The following C2CD3 variants were observed in gnomAD, a reference collection of about 807,000 sequenced individuals.
The protein encoded by C2CD3 is C2 domain-containing protein 3.
In C2CD3, 148 loss-of-function variants were observed where a neutral mutation model predicts 234.0. The ratio of observed to expected loss-of-function variants is 0.63; its 90% CI spans 0.55 to 0.72. C2CD3 has a LOEUF of 0.72. Among genes scored for constraint, C2CD3 ranks in the 30% least tolerant of loss-of-function variants. The probability of loss-of-function intolerance (pLI) is 0.00; values close to 1 mark genes in which losing one functional copy is unlikely to be tolerated. For synonymous variants in C2CD3, 1,000 were observed against 1,035.4 expected (o/e 0.97, Z 0.66); for missense variants, 2,577 against 2,811.5 (o/e 0.92, Z 1.89).
At chr11:74,103,755 A>T in intron 13 of C2CD3, 130 bp from the exon 14 acceptor site, 1 of 717,490 alleles carries the variant, frequency 1.4e-6, no homozygotes. Flanking sequence ...TAATAGTAAG[A>T]ATATTAACAG....
chr11:74,034,197 A>T lies in C2CD3; in HGVS notation c.5963T>A (p.Leu1988His), dbSNP rs1952629347. 2 of 1,535,756 alleles carry T rather than the reference A, an allele frequency of 1.3e-6. No individual in the cohort carries two copies. The highest frequency in any genetic ancestry group is 1.7e-6 in the Non-Finnish European group (2 of 1,146,836). The part of the protein sequence containing the change: ...ARSRSNKATT[L>H]PDAQDTEALQ... ...TGCTTCTGTGTCCTGAGCATCTGGG[A>T]GGGTGGTGGCCTTGTTGCTTCTACT... The change falls in exon 31 of 33, where the codon CTC (leucine) becomes CAC (histidine). Residue 1988 changes from leucine (L) to histidine (H), a missense_variant. Transcript: ENST00000334126.
intron 15 of C2CD3, 109 bp from the exon 16 acceptor site, chr11:74,098,364 G>T: frequency 8.7e-7 from 1 of 1,147,342 alleles, no homozygotes. Flanking sequence ...ATTTGCAACT[G>T]GAAAAGTAAT....
At position 74,095,420 on chromosome 11, in the gene C2CD3, A is replaced by T; in HGVS notation, c.2980-12T>A. ...CCTCGGTCCTCTGCCTATTAAATGAAACAGAAACACTGGTGAGCTTTAAAG... is the reference window on the plus strand; with the variant it reads ...CCTCGGTCCTCTGCCTATTAAATGATACAGAAACACTGGTGAGCTTTAAAG... On this transcript the variant is annotated splice_polypyrimidine_tract_variant and intron_variant, in intron 16 of 32. Coordinates refer to ENST00000334126, the MANE Select transcript of C2CD3 (RefSeq NM_001286577.2). The T allele has an allele frequency of 6.2e-7, 1 of 1,603,740 alleles. No individual in the cohort carries two copies. The highest frequency in any genetic ancestry group is 8.5e-7 in the Non-Finnish European group (1 of 1,174,586).
At chr11:74,090,170 G>A (rs1191818050) in intron 20 of C2CD3, among the ~76,000 whole-genome samples, 1 of 152,082 alleles carries the variant, frequency 6.6e-6, no homozygotes, top group Non-Finnish European at 1.5e-5. Context: ...GGGGGGTGGG[G>A]CACGTGGTTT....
At position 74,098,203 on chromosome 11, in the gene C2CD3, C is replaced by T. The variant is rs757924328; in HGVS notation, c.2785G>A (p.Val929Ile). 6 of 1,614,000 alleles carry T rather than the reference C, an allele frequency of 3.7e-6. No individual in the cohort carries two copies. In the African/African-American group the frequency reaches 8.0e-5, roughly 22 times the overall value. Residue 929 changes from valine (V) to isoleucine (I), a missense_variant, in exon 16 of 33, where the codon GTC (valine) becomes ATC (isoleucine). Transcript: ENST00000334126. Reference sequence around the variant, plus strand: ...TCAATCACAGGCATGTAGCTGTCGACAGCAACAACTGGGTACTGGGCATCC... The same window carrying T: ...TCAATCACAGGCATGTAGCTGTCGATAGCAACAACTGGGTACTGGGCATCC... ...LLDAQYPVVAVDSYMPVIDVF... is the reference protein window; with the variant it reads ...LLDAQYPVVAIDSYMPVIDVF...
In C2CD3 at chr11:74,106,381, C is replaced by A; in HGVS notation, c.2075G>T (p.Gly692Val). 6.2e-7 allele frequency: 1 copy of A among 1,613,894 alleles called. No homozygotes were observed. The highest frequency in any genetic ancestry group is 8.5e-7 in the Non-Finnish European group (1 of 1,179,868). Residue 692 changes from glycine (G) to valine (V), a missense_variant, in exon 13 of 33, where the codon GGC becomes GTC. Coordinates refer to ENST00000334126, the MANE Select transcript of C2CD3 (RefSeq NM_001286577.2). ...VQQENGQSPF[G>V]PLKVTMELIT... The stretch of plus-strand genomic sequence containing the variant: ...TGTATATCTACATACCTTGAGGGGG[C>A]CAAATGGAGACTGACCATTTTCTTG...
At chr11:74,030,906 T>C (rs1477585945) in intron 31 of C2CD3, among the ~76,000 whole-genome samples, 1 of 152,232 alleles carries the variant, frequency 6.6e-6, no homozygotes, top group Non-Finnish European at 1.5e-5. Context: ...CTATTTCCTT[T>C]GTCTCATCCC....
At chr11:74,063,952 A>C (rs1001534431) in intron 24 of C2CD3, among the ~76,000 whole-genome samples, 4 of 152,136 alleles carry the variant, frequency 2.6e-5, no homozygotes, top group Admixed American at 2.6e-4. Flanking sequence ...CACAATGTGC[A>C]GGTTTGTTAC....
intron 20 of C2CD3, among the ~76,000 whole-genome samples, chr11:74,090,556 G>A (rs1955850029): frequency 6.6e-6 from 1 of 152,276 alleles, no homozygotes; most frequent in Admixed American, 6.5e-5. Flanking sequence ...TGTAGGGTAT[G>A]GCCATAAGAC....
chr11:74,150,522 A>AAAAAAACAAAAC (rs1855558619), intron 3 of C2CD3, among the ~76,000 whole-genome samples: 4 of 63,538 alleles, frequency 6.3e-5, no homozygotes, highest in African/African-American at 6.9e-5. Flanking sequence ...AAAACAAAAA[A>AAAAAAACAAAAC]AAAACAAAAC....
intron 14 of C2CD3, among the ~76,000 whole-genome samples, chr11:74,101,227 T>C (rs1012712639): frequency 2.6e-5 from 4 of 152,136 alleles, no homozygotes; most frequent in African/African-American, 9.7e-5. Context: ...AATTGGCCAG[T>C]TGATAGTTGA....
At chr11:74,033,258 T>C (rs1181248264) in intron 31 of C2CD3, 93 bp downstream of exon 31, 13 of 1,014,616 alleles carry the variant, frequency 1.3e-5, no homozygotes, top group African/African-American at 9.7e-5. Flanking sequence ...TGCCCCCTAG[T>C]GCATTCCATG....
chr11:74,121,186 T>C (rs918394390), intron 8 of C2CD3, among the ~76,000 whole-genome samples: 1 of 152,158 alleles, frequency 6.6e-6, no homozygotes, highest in African/African-American at 2.4e-5. Context: ...TACAGGCTTT[T>C]TGTCAGATAG....
chr11:74,022,085 C>T (rs1952110953), intron 32 of C2CD3, among the ~76,000 whole-genome samples: 1 of 151,876 alleles, frequency 6.6e-6, no homozygotes, highest in Non-Finnish European at 1.5e-5. Flanking sequence ...GAGATCGCAC[C>T]ACCACACTCC....
intron 11 of C2CD3, chr11:74,113,162 A>G (rs1338038067): frequency 6.5e-6 from 1 of 152,832 alleles, no homozygotes; most frequent in Non-Finnish European, 1.5e-5. Flanking sequence ...TGAAACTTAA[A>G]AATATTATGG....
chr11:74,036,758 C>T (rs916707604), intron 30 of C2CD3, among the ~76,000 whole-genome samples: 3 of 152,138 alleles, frequency 2.0e-5, no homozygotes, highest in Non-Finnish European at 4.4e-5. Context: ...GTAAGTGCCC[C>T]GGGTGATTCT....
chr11:74,063,244 T>C (rs866462522), intron 24 of C2CD3, among the ~76,000 whole-genome samples: 6 of 152,074 alleles, frequency 3.9e-5, no homozygotes, highest in Non-Finnish European at 8.8e-5. Flanking sequence ...TTCCAATCAA[T>C]AGAAAAAGAG....
chr11:74,075,981 A>G (rs562959270), intron 23 of C2CD3, among the ~76,000 whole-genome samples: 1 of 152,322 alleles, frequency 6.6e-6, no homozygotes, highest in South Asian at 2.1e-4. Context: ...GCTAAATACT[A>G]CCTTTGGTAG....
chr11:74,074,721 A>G, intron 23 of C2CD3, 121 bp from the exon 24 acceptor site: 1 of 722,162 alleles, frequency 1.4e-6, no homozygotes, highest in Non-Finnish European at 2.3e-6. Context: ...ACCCCAATAC[A>G]GCAATTTGCA....
Sources: allele counts gnomAD v4.1 joint callset (sites outside exome capture counted in the v4.1 genomes callset), GRCh38; gene constraint gnomAD v4.1.1; transcripts MANE v1.5; gene names NCBI Gene and HGNC (gene_info 2026-07-23, HGNC 2026-07-21).